The following HELLS variants were observed in gnomAD, a reference collection of about 807,000 sequenced individuals.
HELLS encodes lymphoid-specific helicase.
A neutral mutation model predicts 120.0 loss-of-function variants in HELLS; 32 were observed. The ratio of observed to expected loss-of-function variants is 0.27; its 90% CI spans 0.20 to 0.36. The LOEUF is 0.36. Among genes scored for constraint, HELLS ranks in the 10% least tolerant of loss-of-function variants. The pLI is 1.00. For synonymous variants in HELLS, 341 were observed against 323.4 expected, an observed-to-expected ratio of 1.05 and a Z score of -0.58; for missense variants, 650 against 993.4, an observed-to-expected ratio of 0.65 and a Z score of 4.65.
intron 10 of HELLS, among the ~76,000 whole-genome samples, chr10:94,579,602 C>T (rs1447423276): frequency 6.6e-6 from 1 of 151,726 alleles, no homozygotes; most frequent in Non-Finnish European, 1.5e-5. Context: ...AGTCCTGTGG[C>T]ACGATCTCAG....
rs1842726628 is a variant in HELLS, at chr10:94,545,910, GA to G, written c.-11del. ...AGAGGAGGGGACCCGGTTCCCGGGT[GA>G]GTGTCCAGGCATGCCAGCGGAACGG... On this transcript the variant is annotated 5_prime_UTR_variant, in exon 1 of 22. Coordinates refer to ENST00000348459, the MANE Select transcript of HELLS (RefSeq NM_018063.5). The G allele has an allele frequency of 3.9e-6, 6 of 1,554,128 alleles. No homozygotes were observed. Among genetic ancestry groups the G allele is most frequent in the Middle Eastern group, 1.7e-4 (1 of 6,016 alleles).
At chr10:94,579,642 A>T (rs1399943329) in intron 10 of HELLS, among the ~76,000 whole-genome samples, 1 of 151,734 alleles carries the variant, frequency 6.6e-6, no homozygotes, top group African/African-American at 2.4e-5. Context: ...CCTGGGCTCA[A>T]GTGATTCTCC....
At position 94,590,762 on chromosome 10, in the gene HELLS, A is replaced by G; in HGVS notation, c.1753A>G (p.Thr585Ala). The G allele has an allele frequency of 2.0e-6, 3 of 1,526,292 alleles. No individual in the cohort carries two copies. Among genetic ancestry groups the G allele is most frequent in the Non-Finnish European group, 2.7e-6 (3 of 1,116,078 alleles). 94.5% of individuals were successfully genotyped at this position (1,526,292 alleles called of 1,614,324 possible). ...YLIEYPIDPV[T>A]QEFKIDEELV... ...GATTGAATATCCTATAGACCCTGTTACACAAGAATTTAAGGTGAATACTGT... is the reference window on the plus strand; with the variant it reads ...GATTGAATATCCTATAGACCCTGTTGCACAAGAATTTAAGGTGAATACTGT... Residue 585 changes from threonine (T) to alanine (A), a missense_variant, in exon 15 of 22, where the codon ACA (threonine) becomes GCA (alanine). This residue lies in a region of HELLS where 191 missense variants were observed against 259.7 expected (regional missense o/e 0.74). Transcript: ENST00000348459.
intron 6 of HELLS, among the ~76,000 whole-genome samples, chr10:94,567,678 A>T (rs571725049): frequency 9.2e-5 from 14 of 152,248 alleles, no homozygotes; most frequent in African/African-American, 3.1e-4. Context: ...GGCCAGGGTG[A>T]GAGGATCACT....
intron 2 of HELLS, among the ~76,000 whole-genome samples, chr10:94,551,974 C>T (rs1316967001): frequency 2.6e-5 from 4 of 152,028 alleles, no homozygotes; most frequent in African/African-American, 7.2e-5. Flanking sequence ...CTCCTGACCT[C>T]GGGATCCGCC....
rs71031587 is a variant in HELLS, at chr10:94,575,754, TGGGGG to T, written c.889-902_889-898del. On this transcript the variant is annotated intron_variant, in intron 9 of 21. Coordinates refer to ENST00000348459, the MANE Select transcript of HELLS (RefSeq NM_018063.5). ...TTTTATGTATTTGTAGGTTTTTTGT[TGGGGG>T]GGGGGTTGTGTTTGTGTGTGTGTGT... Among the ~76,000 whole-genome samples the T allele has an allele frequency of 1.5e-5, 2 of 131,316 alleles. 1 individual carries two copies. Among genetic ancestry groups the T allele is most frequent in the East Asian group, 5.7e-4 (2 of 3,486 alleles). 86.1% of individuals were successfully genotyped at this position (131,316 alleles called of 152,430 possible). A position where few individuals can be genotyped will look rare whatever the true frequency, so the allele number is the denominator to read the frequency against.
intron 6 of HELLS, among the ~76,000 whole-genome samples, chr10:94,563,188 C>T (rs1020072981): frequency 6.6e-5 from 10 of 151,654 alleles, no homozygotes; most frequent in Non-Finnish European, 8.8e-5. Context: ...CTCCACCTCG[C>T]GGGTTCAAGC....
intron 10 of HELLS, among the ~76,000 whole-genome samples, chr10:94,580,146 T>A (rs1423493846): frequency 4.6e-4 from 26 of 56,294 alleles, no homozygotes; most frequent in African/African-American, 2.4e-3. Context: ...TATATATATA[T>A]ATATATATAT....
chr10:94,591,661 C>G (rs1320776208), intron 15 of HELLS, among the ~76,000 whole-genome samples: 2 of 152,138 alleles, frequency 1.3e-5, no homozygotes, highest in Non-Finnish European at 2.9e-5. Context: ...CAAATATACC[C>G]TGGGGATAGG....
At chr10:94,551,467 C>T (rs1226054735) in intron 2 of HELLS, among the ~76,000 whole-genome samples, 3 of 151,914 alleles carry the variant, frequency 2.0e-5, no homozygotes, top group South Asian at 2.1e-4. Flanking sequence ...ACTGGGGAGG[C>T]TGAGGCAGGT....
At chr10:94,559,552 T>C (rs950916499) in intron 4 of HELLS, among the ~76,000 whole-genome samples, 1 of 151,978 alleles carries the variant, frequency 6.6e-6, no homozygotes, top group Non-Finnish European at 1.5e-5. Context: ...TTCAAGCAAT[T>C]CTTCTGCCTC....
At chr10:94,550,904 A>C (rs1842951887) in intron 2 of HELLS, 1 of 152,004 alleles carries the variant, frequency 6.6e-6, no homozygotes, top group Admixed American at 6.6e-5. Context: ...AAAAAAGAAA[A>C]AGTGCTAATT....
chr10:94,608,526 C>G (rs921747738), intron 9 of HELLS, among the ~76,000 whole-genome samples: 2 of 152,182 alleles, frequency 1.3e-5, no homozygotes, highest in African/African-American at 4.8e-5. Flanking sequence ...TACCACAACT[C>G]ATACAATTAA....
chr10:94,559,138 A>G (rs1843422228), intron 4 of HELLS, among the ~76,000 whole-genome samples: 1 of 152,128 alleles, frequency 6.6e-6, no homozygotes, highest in Non-Finnish European at 1.5e-5. Flanking sequence ...GTCCTCCAAT[A>G]CATATGTTCC....
intron 7 of HELLS, among the ~76,000 whole-genome samples, chr10:94,573,223 G>C (rs1380552025): frequency 6.6e-6 from 1 of 152,160 alleles, no homozygotes; most frequent in African/African-American, 2.4e-5. Flanking sequence ...CTCCCAAAAT[G>C]CTGGGATTAC....
chr10:94,584,051 C>A, intron 12 of HELLS: 2 of 1,228,716 alleles, frequency 1.6e-6, no homozygotes, highest in Non-Finnish European at 1.1e-6. Flanking sequence ...AGGCAAATTG[C>A]CCTCCAGAAA....
Position 94,588,199 on chromosome 10 carries a change from C to A in HELLS, c.1327-30C>A, listed in dbSNP as rs754260965. 2.2e-6 allele frequency: 3 copies of A among 1,360,288 alleles called. No homozygotes were observed. In the African/African-American group the frequency reaches 4.3e-5, roughly 20 times the overall value. 84.3% of individuals were successfully genotyped at this position (1,360,288 alleles called of 1,614,324 possible). On this transcript the variant is annotated intron_variant, in intron 12 of 21. Transcript: ENST00000348459. ...TTGAAAAACAAGAATGTTTAATACTCATATTTTTCTGTTCATGTTTTAATT... is the reference window on the plus strand; with the variant it reads ...TTGAAAAACAAGAATGTTTAATACTAATATTTTTCTGTTCATGTTTTAATT...
intron 21 of HELLS, among the ~76,000 whole-genome samples, chr10:94,598,172 T>A (rs1845835933): frequency 6.6e-6 from 1 of 152,252 alleles, no homozygotes; most frequent in Non-Finnish European, 1.5e-5. Context: ...GTCTGTTGCA[T>A]CTGTATGGTG....
chr10:94,584,719 G>A (rs575321528), intron 12 of HELLS, among the ~76,000 whole-genome samples: 1 of 152,176 alleles, frequency 6.6e-6, no homozygotes, highest in South Asian at 2.1e-4. Flanking sequence ...TGTAGTAATT[G>A]TCATAGTTGA....
Sources: allele counts gnomAD v4.1 joint callset (sites outside exome capture counted in the v4.1 genomes callset), GRCh38; gene constraint gnomAD v4.1.1; regional missense constraint gnomAD v4.1.1; transcripts MANE v1.5; gene names NCBI Gene and HGNC (gene_info 2026-07-23, HGNC 2026-07-21).